Variants in ASIC2 observed in about 807,000 individuals in gnomAD.
ASIC2 encodes acid sensing ion channel subunit 2.
A neutral mutation model predicts 57.3 loss-of-function variants in ASIC2; 25 were observed. That is an observed-to-expected ratio of 0.44 (90% confidence interval 0.32 to 0.61). The LOEUF (loss-of-function observed/expected upper bound fraction) is 0.61, where lower values mean the gene tolerates loss of function less well. Among genes scored for constraint, ASIC2 ranks in the 20% least tolerant of loss-of-function variants. The pLI is 0.06. For synonymous variants in ASIC2, 319 were observed against 307.5 expected (o/e 1.04, Z -0.39); for missense variants, 641 against 738.1 (o/e 0.87, Z 1.52).
chr17:33,319,386 G>A (rs1906781219), intron 1 of ASIC2, among the ~76,000 whole-genome samples: 2 of 152,206 alleles, frequency 1.3e-5, no homozygotes, highest in Non-Finnish European at 2.9e-5. Flanking sequence ...CTATTGGTCT[G>A]AGAAGGACCA....
At chr17:33,261,684 T>A (rs1909285552) in intron 1 of ASIC2, among the ~76,000 whole-genome samples, 2 of 152,162 alleles carry the variant, frequency 1.3e-5, no homozygotes, top group Admixed American at 1.3e-4. Flanking sequence ...GCAAATACTA[T>A]GATTATATGA....
At chr17:33,446,214 CA>C (rs1912012383) in intron 1 of ASIC2, among the ~76,000 whole-genome samples, 1 of 152,004 alleles carries the variant, frequency 6.6e-6, no homozygotes, top group African/African-American at 2.4e-5. Flanking sequence ...TTTTTCTTCC[CA>C]AGAACATCCC....
chr17:33,293,822 A>G (rs565843279), upstream of ASIC2, among the ~76,000 whole-genome samples: 1 of 151,942 alleles, frequency 6.6e-6, no homozygotes, highest in East Asian at 1.9e-4. Flanking sequence ...CCGTGTGTGT[A>G]TGTGTGCACT....
intron 1 of ASIC2, among the ~76,000 whole-genome samples, chr17:33,334,763 T>G (rs1907448695): frequency 6.6e-6 from 1 of 152,198 alleles, no homozygotes; most frequent in Admixed American, 6.5e-5. Context: ...TCTCTTGACA[T>G]GTACTGACAA....
At chr17:33,386,704 C>T (rs1909692572) in intron 1 of ASIC2, among the ~76,000 whole-genome samples, 2 of 152,132 alleles carry the variant, frequency 1.3e-5, no homozygotes, top group Admixed American at 1.3e-4. Flanking sequence ...AAGAGCAATC[C>T]CATTAACATC....
chr17:33,364,743 A>C (rs547411995), intron 1 of ASIC2, among the ~76,000 whole-genome samples: 1 of 152,300 alleles, frequency 6.6e-6, no homozygotes, highest in Non-Finnish European at 1.5e-5. Flanking sequence ...TAAATTACCC[A>C]GTCTCAGGTA....
At chr17:33,115,279 C>G (rs2092276593) in intron 1 of ASIC2, among the ~76,000 whole-genome samples, 1 of 152,102 alleles carries the variant, frequency 6.6e-6, no homozygotes, top group Admixed American at 6.5e-5. Context: ...GGGTGGGGAG[C>G]CAGAGGGAGA....
At chr17:34,034,756 T>C (rs879022267) in intron 1 of ASIC2, among the ~76,000 whole-genome samples, 36 of 152,094 alleles carry the variant, frequency 2.4e-4, no homozygotes, top group African/African-American at 8.0e-4. Flanking sequence ...TGAACTCCCA[T>C]TCACAATTGC....
chr17:33,541,173 CAG>C (rs1194601021), intron 1 of ASIC2: 1 of 152,106 alleles, frequency 6.6e-6, no homozygotes, highest in Non-Finnish European at 1.5e-5. Flanking sequence ...ATACTTAAGA[CAG>C]GGTTTATTCA....
chr17:33,762,185 G>C (rs1383178961), intron 1 of ASIC2, among the ~76,000 whole-genome samples: 1 of 152,162 alleles, frequency 6.6e-6, no homozygotes, highest in Non-Finnish European at 1.5e-5. Context: ...CAGCCCTGGA[G>C]GAATGGTGAC....
At chr17:33,637,864 C>A (rs945736155) in intron 1 of ASIC2, among the ~76,000 whole-genome samples, 9 of 152,150 alleles carry the variant, frequency 5.9e-5, no homozygotes, top group Admixed American at 5.9e-4. Context: ...AAATAAGTCT[C>A]CCCAGAGGCT....
intron 1 of ASIC2, among the ~76,000 whole-genome samples, chr17:33,372,424 C>T (rs551920281): frequency 3.9e-5 from 6 of 152,090 alleles, no homozygotes; most frequent in South Asian, 4.2e-4. Context: ...CCCTGGGGCC[C>T]GGGGGAATGA....
chr17:33,086,963 C>T (rs2092136448), intron 3 of ASIC2, among the ~76,000 whole-genome samples: 1 of 152,168 alleles, frequency 6.6e-6, no homozygotes, highest in Admixed American at 6.5e-5. Context: ...CTCATTCTCT[C>T]TTTGAAACAC....
chr17:33,664,400 G>A (rs74407608), intron 1 of ASIC2, among the ~76,000 whole-genome samples: 122 of 152,252 alleles, frequency 8.0e-4, no homozygotes, highest in African/African-American at 2.8e-3. Context: ...ACATTCATTC[G>A]TGTGATTCCT....
At chr17:33,662,369 T>G (rs995084448) in intron 1 of ASIC2, among the ~76,000 whole-genome samples, 1 of 152,058 alleles carries the variant, frequency 6.6e-6, no homozygotes, top group African/African-American at 2.4e-5. Flanking sequence ...GCTTGTAATT[T>G]CAGCACTTTG....
At chr17:33,018,478 G>T (rs750851367) in intron 7 of ASIC2, among the ~76,000 whole-genome samples, 29 of 152,226 alleles carry the variant, frequency 1.9e-4, no homozygotes, top group Non-Finnish European at 3.4e-4. Flanking sequence ...GATGGCTGGA[G>T]ACTCTCCTGA....
chr17:34,088,398 G>C (rs1477962962), intron 1 of ASIC2, among the ~76,000 whole-genome samples: 4 of 152,190 alleles, frequency 2.6e-5, no homozygotes, highest in African/African-American at 9.7e-5. Context: ...TTGTTCCTCT[G>C]GAAGTTTTGT....
At chr17:33,931,271 T>C (rs1347633841) in intron 1 of ASIC2, 2 of 152,198 alleles carry the variant, frequency 1.3e-5, no homozygotes, top group Non-Finnish European at 2.9e-5. Context: ...TCGTGATCGA[T>C]TGAGCAACCA....
chr17:34,155,910 G>A (rs780527165), intron 1 of ASIC2: 6 of 1,517,654 alleles, frequency 4.0e-6, no homozygotes, highest in Non-Finnish European at 5.3e-6. Context: ...CCCAAACCAA[G>A]CAGGAGACCA....
Sources: gnomAD v4.1 joint callset for allele counts (sites outside exome capture counted in the v4.1 genomes callset) on GRCh38, gnomAD v4.1.1 for gene constraint, MANE v1.5 for transcripts, NCBI Gene and HGNC (gene_info 2026-07-23, HGNC 2026-07-21) for gene names.